DPYD: variants seen among roughly 807,000 people sequenced by gnomAD.
The protein encoded by DPYD is dihydropyrimidine dehydrogenase.
DPYD carries 109 observed loss-of-function variants against 116.2 expected under a neutral mutation model. The observed-to-expected ratio is 0.94, with a 90% confidence interval of 0.80 to 1.10. The LOEUF is 1.10. Ranked by LOEUF, DPYD falls within the 50% of genes least tolerant of loss-of-function variation. The pLI, the probability that DPYD is intolerant of heterozygous loss-of-function variation, is 0.00. For missense variants in DPYD, 1,302 were observed against 1,254.5 expected (o/e 1.04, Z -0.57); for synonymous variants, 440 against 432.0 (o/e 1.02, Z -0.23).
intron 15 of DPYD, among the ~76,000 whole-genome samples, chr1:97,379,181 T>C (rs1230257523): frequency 6.6e-6 from 1 of 152,090 alleles, no homozygotes; most frequent in Non-Finnish European, 1.5e-5. Flanking sequence ...GGAAAAGCTC[T>C]GAGTTGGGAA....
At chr1:97,189,536 A>T (rs1167774217) in intron 20 of DPYD, among the ~76,000 whole-genome samples, 2 of 152,186 alleles carry the variant, frequency 1.3e-5, no homozygotes, top group African/African-American at 4.8e-5. Flanking sequence ...ATGTTTCTTA[A>T]CGAAGAATGT....
intron 2 of DPYD, among the ~76,000 whole-genome samples, chr1:97,865,241 G>A (rs540429081): frequency 5.1e-4 from 77 of 151,872 alleles, no homozygotes; most frequent in Non-Finnish European, 1.0e-3. Context: ...CTAACAAGCA[G>A]AGTAAGCTTG....
rs1284881561 is a variant in DPYD at position 97,476,239 on chromosome 1, T to C, written c.1741-26016A>G. On this transcript the variant is annotated intron_variant, in intron 13 of 22. Coordinates refer to ENST00000370192, the MANE Select transcript of DPYD (RefSeq NM_000110.4). ...ATCTCAGATCCTTTTTAAAGACAAATAAACTTGATGCTACATTTCTGGGTT... is the reference window on the plus strand; with the variant it reads ...ATCTCAGATCCTTTTTAAAGACAAACAAACTTGATGCTACATTTCTGGGTT... Among the ~76,000 whole-genome samples, 3 of 152,124 alleles carry C rather than the reference T, an allele frequency of 2.0e-5. No individual in the cohort carries two copies. In the East Asian group the frequency reaches 5.8e-4, roughly 29 times the overall value.
chr1:97,472,256 G>A (rs1203944176), intron 13 of DPYD, among the ~76,000 whole-genome samples: 1 of 152,088 alleles, frequency 6.6e-6, no homozygotes, highest in African/African-American at 2.4e-5. Flanking sequence ...TTAACTAAAG[G>A]GTTTGAGGAT....
chr1:97,368,989 C>T (rs973983129), intron 16 of DPYD, among the ~76,000 whole-genome samples: 4 of 152,066 alleles, frequency 2.6e-5, no homozygotes, highest in Admixed American at 2.0e-4. Context: ...AATACAAAGG[C>T]CTACTCGAGG....
chr1:97,093,030 G>C (rs1219890638), intron 21 of DPYD, among the ~76,000 whole-genome samples: 1 of 152,050 alleles, frequency 6.6e-6, no homozygotes, highest in African/African-American at 2.4e-5. Flanking sequence ...TCTCTACTTA[G>C]TCTACAGGGC....
intron 8 of DPYD, among the ~76,000 whole-genome samples, chr1:97,661,415 T>G (rs1659249840): frequency 6.6e-6 from 1 of 152,282 alleles, no homozygotes; most frequent in South Asian, 2.1e-4. Flanking sequence ...ATGTTATGTT[T>G]CCATAATGCA....
intron 21 of DPYD, among the ~76,000 whole-genome samples, chr1:97,084,048 C>T (rs1008970476): frequency 6.6e-6 from 1 of 152,052 alleles, no homozygotes; most frequent in African/African-American, 2.4e-5. Context: ...CTTTCCCACT[C>T]TACCCTGGGC....
At chr1:97,733,560 C>A (rs1164736505) in intron 4 of DPYD, among the ~76,000 whole-genome samples, 1 of 151,940 alleles carries the variant, frequency 6.6e-6, no homozygotes, top group African/African-American at 2.4e-5. Flanking sequence ...AGAATTGCTT[C>A]TTAACCTTCC....
intron 18 of DPYD, among the ~76,000 whole-genome samples, chr1:97,256,412 C>T (rs939064082): frequency 2.6e-5 from 4 of 151,908 alleles, no homozygotes; most frequent in Non-Finnish European, 2.9e-5. Flanking sequence ...GGGAGGGACC[C>T]GGTGGGAGGT....
At chr1:97,912,524 A>G (rs1191967472) in intron 1 of DPYD, among the ~76,000 whole-genome samples, 2 of 152,152 alleles carry the variant, frequency 1.3e-5, no homozygotes, top group East Asian at 3.9e-4. Context: ...TGCACAGGAA[A>G]GAAATGTACT....
intron 19 of DPYD, among the ~76,000 whole-genome samples, chr1:97,220,312 C>T (rs1250257195): frequency 2.0e-5 from 3 of 152,316 alleles, no homozygotes; most frequent in South Asian, 2.1e-4. Context: ...CCTGCCCCAC[C>T]TCAGGACTCT....
intron 14 of DPYD, among the ~76,000 whole-genome samples, chr1:97,448,215 T>TA (rs1000162639): frequency 4.0e-5 from 6 of 151,072 alleles, no homozygotes; most frequent in Admixed American, 6.6e-5. Context: ...CATCTCTAGT[T>TA]AAAAAAAAAT....
chr1:97,317,725 G>T (rs1667945248), intron 16 of DPYD, among the ~76,000 whole-genome samples: 1 of 151,908 alleles, frequency 6.6e-6, no homozygotes, highest in Non-Finnish European at 1.5e-5. Context: ...GCACCATTCT[G>T]CCCTGGAGCA....
At chr1:97,504,813 T>A (rs1261221367) in intron 13 of DPYD, among the ~76,000 whole-genome samples, 1 of 149,766 alleles carries the variant, frequency 6.7e-6, no homozygotes, top group Non-Finnish European at 1.5e-5. Flanking sequence ...AGGGAGGTAG[T>A]CAGTCAGCAG....
At chr1:97,521,511 C>A (rs1343830518) in intron 12 of DPYD, among the ~76,000 whole-genome samples, 1 of 152,054 alleles carries the variant, frequency 6.6e-6, no homozygotes, top group Non-Finnish European at 1.5e-5. Context: ...TCAATGCTAT[C>A]CCAATCAAGC....
chr1:97,606,036 A>C (rs1251423489), intron 8 of DPYD, among the ~76,000 whole-genome samples: 1 of 152,068 alleles, frequency 6.6e-6, no homozygotes, highest in East Asian at 1.9e-4. Context: ...TTGTATAATC[A>C]TTATATATCT....
At chr1:97,114,555 T>C (rs1292143744) in intron 20 of DPYD, among the ~76,000 whole-genome samples, 3 of 152,184 alleles carry the variant, frequency 2.0e-5, no homozygotes, top group African/African-American at 7.2e-5. Context: ...TAGTTATTTC[T>C]AGAAGAAGTT....
chr1:97,193,061 G>A lies in DPYD; in HGVS notation c.2622+8C>T, dbSNP rs374847202. ...CTCAAGAATAACACAGGAGATTTAA[G>A]CACATACCTTGTCCATGAGTTCAGC... On this transcript the variant is annotated splice_region_variant and intron_variant, in intron 20 of 22. Coordinates refer to ENST00000370192, the MANE Select transcript of DPYD (RefSeq NM_000110.4). 49 of 1,613,588 alleles carry A rather than the reference G, an allele frequency of 3.0e-5. No individual in the cohort carries two copies. Among genetic ancestry groups the A allele is most frequent in the African/African-American group, 4.0e-5 (3 of 74,902 alleles).
Sources: allele counts gnomAD v4.1 joint callset (sites outside exome capture counted in the v4.1 genomes callset), GRCh38; gene constraint gnomAD v4.1.1; transcripts MANE v1.5; gene names NCBI Gene and HGNC (gene_info 2026-07-23, HGNC 2026-07-21).